LGI1: variants seen among roughly 807,000 people sequenced by gnomAD.
The protein encoded by LGI1 is leucine-rich glioma-inactivated protein 1.
In LGI1, 11 loss-of-function variants were observed where a neutral mutation model predicts 57.7. That is an observed-to-expected ratio of 0.19 (90% CI 0.12 to 0.32). The LOEUF is 0.32. LGI1 is among the 10% of genes least tolerant of loss of function. LGI1 has a pLI of 1.00. For missense variants in LGI1, 422 were observed against 661.9 expected (o/e 0.64, Z 3.98); for synonymous variants, 222 against 241.9 (o/e 0.92, Z 0.76).
chr10:93,783,787 G>A (rs1423372019), intron 4 of LGI1, among the ~76,000 whole-genome samples: 2 of 152,146 alleles, frequency 1.3e-5, no homozygotes. Flanking sequence ...CAAGGCGGGC[G>A]GATCACTTGA....
chr10:93,787,944 A>G (rs1589769619), intron 4 of LGI1, among the ~76,000 whole-genome samples: 1 of 152,008 alleles, frequency 6.6e-6, no homozygotes, highest in South Asian at 2.1e-4. Context: ...CTTGGACAGT[A>G]AGACAAGCAT....
Position 93,788,345 on chromosome 10 carries a change from G to A in LGI1, c.432-1754G>A, listed in dbSNP as rs199723572. The A allele has an allele frequency of 7.2e-5, 11 of 152,302 alleles. No homozygotes were observed. The East Asian group carries it at 1.7e-3, about 24-fold the overall frequency. 9.4% of individuals were successfully genotyped at this position (152,302 alleles called of 1,614,324 possible). A position where few individuals can be genotyped will look rare whatever the true frequency, so the allele number is the denominator to read the frequency against. ...TCATTCATGTGGTCTGTTTCTAAAC[G>A]TTGTTTCTTGGACAACATACGTACA... On this transcript the variant is annotated intron_variant, in intron 4 of 7. Transcript: ENST00000371418.
At chr10:93,792,562 T>G in intron 5 of LGI1, 181 bp from the exon 6 acceptor site, 1 of 674,454 alleles carries the variant, frequency 1.5e-6, no homozygotes. Context: ...TCTTCAAGTG[T>G]GCATGGTGCT....
At chr10:93,764,967 A>G (rs2059659537) in intron 2 of LGI1, 1 of 152,334 alleles carries the variant, frequency 6.6e-6, no homozygotes, top group Middle Eastern at 3.4e-3. Context: ...TCTTACAGGA[A>G]ACATGAACTA....
chr10:93,783,300 C>T (rs10736080), intron 4 of LGI1, among the ~76,000 whole-genome samples: 125,684 of 151,812 alleles, frequency 0.83, 52,310 homozygotes, highest in East Asian at 0.99. Flanking sequence ...GGCGTGAACC[C>T]GGGAGGTGGA....
intron 2 of LGI1, chr10:93,776,047 G>A (rs1284968845): frequency 6.6e-6 from 1 of 152,156 alleles, no homozygotes; most frequent in African/African-American, 2.4e-5. Context: ...AAATCATACA[G>A]CTTTGAATTT....
At chr10:93,767,587 A>G (rs1396114178) in intron 2 of LGI1, 4 of 152,116 alleles carry the variant, frequency 2.6e-5, no homozygotes, top group Admixed American at 1.3e-4. Flanking sequence ...CATTCTAGAG[A>G]GGTTGGATAG....
At position 93,796,994 on chromosome 10, in the gene LGI1, A is replaced by C. The variant is rs961934578; in HGVS notation, c.865A>C (p.Ile289Leu). Residue 289 changes from isoleucine (I) to leucine (L), a missense_variant, in exon 8 of 8, where the codon ATA becomes CTA. Coordinates refer to ENST00000371418, the MANE Select transcript of LGI1 (RefSeq NM_005097.4). ...CACATCCACTGTAGTATGCAAGCCT[A>C]TAGTCATTGAAACTCAGCTCTATGT... ...TGTSTVVCKP[I>L]VIETQLYVIV... 2 of 1,614,032 alleles carry C rather than the reference A, an allele frequency of 1.2e-6. No homozygotes were observed. Among genetic ancestry groups the C allele is most frequent in the Admixed American group, 1.7e-5 (1 of 60,018 alleles).
chr10:93,766,557 T>C (rs74568808), intron 2 of LGI1, among the ~76,000 whole-genome samples: 11 of 131,498 alleles, frequency 8.4e-5, no homozygotes, highest in Non-Finnish European at 1.5e-4. Context: ...CAGGCTGGAG[T>C]GCAGTGGCGC....
chr10:93,779,807 G>A (rs12267512), intron 4 of LGI1, among the ~76,000 whole-genome samples: 5,217 of 152,310 alleles, frequency 0.034, 313 homozygotes, highest in African/African-American at 0.12. Flanking sequence ...TTAACAGGCA[G>A]TGAAAGAGAA....
At chr10:93,787,900 C>A (rs1232135459) in intron 4 of LGI1, among the ~76,000 whole-genome samples, 1 of 109,802 alleles carries the variant, frequency 9.1e-6, no homozygotes, top group Non-Finnish European at 2.0e-5. Flanking sequence ...AAGTGAGACC[C>A]TGTCTCAAAA....
At chr10:93,774,751 GCAC>G (rs2059775080) in intron 2 of LGI1, among the ~76,000 whole-genome samples, 2 of 152,102 alleles carry the variant, frequency 1.3e-5, no homozygotes, top group Non-Finnish European at 2.9e-5. Context: ...GGTGGGTTGG[GCAC>G]GGTTTCCCTT....
intron 2 of LGI1, among the ~76,000 whole-genome samples, chr10:93,760,345 A>G (rs889003751): frequency 1.3e-5 from 2 of 152,238 alleles, no homozygotes; most frequent in African/African-American, 4.8e-5. Context: ...CAGAGTCTCT[A>G]ATGCTGGGAT....
chr10:93,797,263 G>A lies in LGI1; in HGVS notation c.1134G>A (p.Arg378=). 3.7e-6 allele frequency: 6 copies of A among 1,614,106 alleles called. No homozygotes were observed. Among genetic ancestry groups the A allele is most frequent in the Non-Finnish European group, 4.2e-6 (5 of 1,180,022 alleles). Residue 378 remains arginine (R), a synonymous_variant, in exon 8 of 8, where the codon AGG becomes AGA. Coordinates refer to ENST00000371418, the MANE Select transcript of LGI1 (RefSeq NM_005097.4). The surrounding 1 kb of genome is among the most constrained non-coding windows in gnomAD (Gnocchi z 6.5). ...YSHQSLHAWY[R]DTDVEYLEIV... is the part of the protein sequence containing the mutation. ...ATCAATCCTTACACGCGTGGTACAG[G>A]GACACTGATGTGGAATATCTAGAAA...
At chr10:93,770,672 T>C (rs2059726939) in intron 2 of LGI1, 1 of 152,148 alleles carries the variant, frequency 6.6e-6, no homozygotes, top group South Asian at 2.1e-4. Flanking sequence ...TGTCACTTAG[T>C]CATGACCCGT....
intron 4 of LGI1, 49 bp from the exon 5 acceptor site, chr10:93,790,050 G>A (rs756786865): frequency 4.0e-6 from 6 of 1,511,464 alleles, no homozygotes; most frequent in African/African-American, 1.4e-5. Context: ...AAATGCCTTT[G>A]TTTAATTTAT....
At chr10:93,783,204 A>G (rs1048887931) in intron 4 of LGI1, among the ~76,000 whole-genome samples, 23 of 151,942 alleles carry the variant, frequency 1.5e-4, no homozygotes, top group Admixed American at 7.9e-4. Flanking sequence ...GTGAAACCCC[A>G]TCTCTACTAA....
chr10:93,783,357 CAG>C (rs2059865814), intron 4 of LGI1, among the ~76,000 whole-genome samples: 1 of 152,166 alleles, frequency 6.6e-6, no homozygotes, highest in Non-Finnish European at 1.5e-5. Context: ...GCTTGGGTGA[CAG>C]AGCGAGACTC....
intron 2 of LGI1, among the ~76,000 whole-genome samples, chr10:93,776,611 A>G (rs1181582685): frequency 6.6e-6 from 1 of 152,206 alleles, no homozygotes; most frequent in Non-Finnish European, 1.5e-5. Flanking sequence ...ACATTATGAC[A>G]TAATATAATA....
Sources: allele counts gnomAD v4.1 joint callset (sites outside exome capture counted in the v4.1 genomes callset), GRCh38; gene constraint gnomAD v4.1.1; non-coding constraint Gnocchi (gnomAD v3.1); transcripts MANE v1.5; gene names NCBI Gene and HGNC (gene_info 2026-07-23, HGNC 2026-07-21).